Variants in ASPH observed in about 807,000 individuals in gnomAD.
ASPH encodes the protein aspartyl/asparaginyl beta-hydroxylase.
ASPH carries 100 observed loss-of-function variants against 118.4 expected under a neutral mutation model. The ratio of observed to expected loss-of-function variants is 0.84; its 90% CI spans 0.72 to 1.00. The LOEUF is 1.00. Ranked by LOEUF, ASPH falls within the 50% of genes least tolerant of loss-of-function variation. ASPH has a pLI of 0.00. For missense variants in ASPH, 920 were observed against 919.5 expected (o/e 1.00, Z -0.01); for synonymous variants, 315 against 325.6 (o/e 0.97, Z 0.35).
chr8:61,629,351 C>T (rs762810138), intron 13 of ASPH, among the ~76,000 whole-genome samples: 2 of 152,200 alleles, frequency 1.3e-5, no homozygotes, highest in African/African-American at 4.8e-5. Context: ...TGAGCTTTCA[C>T]AAGTAATTCC....
intron 14 of ASPH, among the ~76,000 whole-genome samples, chr8:61,609,784 C>A (rs1451394989): frequency 1.3e-5 from 2 of 152,094 alleles, no homozygotes; most frequent in East Asian, 3.9e-4. Context: ...AGGGCTCAGA[C>A]TAAGGTAATT....
intron 14 of ASPH, among the ~76,000 whole-genome samples, chr8:61,612,350 A>C (rs1364003257): frequency 6.6e-6 from 1 of 151,096 alleles, no homozygotes; most frequent in Non-Finnish European, 1.5e-5. Flanking sequence ...TCCAATGGGA[A>C]AAAATGATTA....
chr8:61,649,702 C>A (rs1809916431), intron 5 of ASPH, among the ~76,000 whole-genome samples: 1 of 151,544 alleles, frequency 6.6e-6, no homozygotes, highest in African/African-American at 2.4e-5. Flanking sequence ...TCTCTCCATC[C>A]CCTCCTTTGG....
chr8:61,518,564 A>G (rs1244400267), intron 22 of ASPH, among the ~76,000 whole-genome samples: 1 of 152,218 alleles, frequency 6.6e-6, no homozygotes, highest in African/African-American at 2.4e-5. Context: ...CATATTTTGT[A>G]TGTTATATGT....
At chr8:61,603,746 GA>G (rs1423909463) in intron 14 of ASPH, among the ~76,000 whole-genome samples, 2 of 152,158 alleles carry the variant, frequency 1.3e-5, no homozygotes, top group African/African-American at 4.8e-5. Context: ...TGGTAGGGGG[GA>G]AGTAAATTAA....
intron 24 of ASPH, among the ~76,000 whole-genome samples, chr8:61,505,111 T>C (rs537029019): frequency 8.1e-4 from 124 of 152,300 alleles, no homozygotes; most frequent in Non-Finnish European, 1.5e-3. Flanking sequence ...ACTGTCCTCA[T>C]CATAGTGAAT....
chr8:61,604,012 T>G (rs181719339), intron 14 of ASPH, among the ~76,000 whole-genome samples: 69 of 152,352 alleles, frequency 4.5e-4, no homozygotes, highest in African/African-American at 1.5e-3. Flanking sequence ...TGAAAAATCT[T>G]GTGGAATTCT....
At chr8:61,658,044 AT>A (rs1443233776) in intron 3 of ASPH, 1 of 152,206 alleles carries the variant, frequency 6.6e-6, no homozygotes, top group Non-Finnish European at 1.5e-5. Context: ...AAATCAATTT[AT>A]CCCAAGAATA....
chr8:61,668,230 A>C, intron 3 of ASPH: 1 of 1,605,616 alleles, frequency 6.2e-7, no homozygotes. Context: ...AAAAATGAAA[A>C]TACCTTTAGC....
At chr8:61,706,844 A>G (rs2151907430) in intron 1 of ASPH, among the ~76,000 whole-genome samples, 1 of 152,350 alleles carries the variant, frequency 6.6e-6, no homozygotes, top group Non-Finnish European at 1.5e-5. Flanking sequence ...TTCATACACA[A>G]GAGGTGATGC....
intron 10 of ASPH, among the ~76,000 whole-genome samples, chr8:61,640,266 C>T (rs1804512860): frequency 6.6e-6 from 1 of 152,174 alleles, no homozygotes; most frequent in Non-Finnish European, 1.5e-5. Flanking sequence ...CTTAACTGTT[C>T]TCCCTGTATT....
chr8:61,575,593 C>A (rs1366605289), intron 16 of ASPH, among the ~76,000 whole-genome samples: 3 of 152,134 alleles, frequency 2.0e-5, no homozygotes, highest in Non-Finnish European at 4.4e-5. Context: ...ACACAGTGGG[C>A]TTTCACCAAA....
At chr8:61,622,262 C>T (rs1029027237) in intron 13 of ASPH, among the ~76,000 whole-genome samples, 2 of 152,122 alleles carry the variant, frequency 1.3e-5, no homozygotes, top group East Asian at 1.9e-4. Context: ...CGCTTGAATC[C>T]GGGAGGCAGA....
chr8:61,606,986 A>C (rs1241212537), intron 14 of ASPH: 2 of 331,524 alleles, frequency 6.0e-6, no homozygotes, highest in Non-Finnish European at 1.1e-5. Flanking sequence ...GGACCAGCTC[A>C]AATGTCATCG....
At chr8:61,619,309 A>T (rs185372095) in intron 13 of ASPH, among the ~76,000 whole-genome samples, 143 of 152,314 alleles carry the variant, frequency 9.4e-4, no homozygotes, top group Non-Finnish European at 5.1e-4. Flanking sequence ...GGTGATGTAC[A>T]TCAACTCCAA....
At chr8:61,534,752 G>T (rs1586686562) in intron 21 of ASPH, among the ~76,000 whole-genome samples, 1 of 152,366 alleles carries the variant, frequency 6.6e-6, no homozygotes, top group East Asian at 1.9e-4. Context: ...ACCATTCCGA[G>T]AAAAGTTTTT....
Position 61,644,651 on chromosome 8 carries a change from G to A in ASPH, c.620-19C>T. On this transcript the variant is annotated intron_variant, in intron 6 of 24. Transcript: ENST00000379454. ...TCGGTTTCTGGAAAAAAAAAAATTA[G>A]ATTGATATTTACTGCTTTTACAAAA... The A allele has an allele frequency of 6.4e-7, 1 of 1,570,068 alleles. No homozygotes were observed. The highest frequency in any genetic ancestry group is 8.7e-7 in the Non-Finnish European group (1 of 1,153,764).
intron 16 of ASPH, among the ~76,000 whole-genome samples, chr8:61,573,432 T>C (rs897939824): frequency 7.9e-5 from 12 of 152,020 alleles, no homozygotes; most frequent in African/African-American, 2.7e-4. Context: ...AGAACAAAGC[T>C]TGGAGGCATC....
chr8:61,546,635 C>T (rs960193171), intron 21 of ASPH, among the ~76,000 whole-genome samples: 1 of 152,122 alleles, frequency 6.6e-6, no homozygotes, highest in African/African-American at 2.4e-5. Context: ...CCAATGGCAG[C>T]CTATTTTACA....
Sources: gnomAD v4.1 joint callset for allele counts (sites outside exome capture counted in the v4.1 genomes callset) on GRCh38, gnomAD v4.1.1 for gene constraint, MANE v1.5 for transcripts, NCBI Gene and HGNC (gene_info 2026-07-23, HGNC 2026-07-21) for gene names.